The following PCDHGB4 variants were observed in gnomAD, a reference collection of about 807,000 sequenced individuals.
PCDHGB4 encodes protocadherin gamma-B4.
A neutral mutation model predicts 60.5 loss-of-function variants in PCDHGB4; 38 were observed. The ratio of observed to expected loss-of-function variants is 0.63; its 90% confidence interval spans 0.48 to 0.82. PCDHGB4 has a LOEUF of 0.82. Ranked by LOEUF, PCDHGB4 falls within the 40% of genes least tolerant of loss-of-function variation. The pLI is 0.00. For missense variants in PCDHGB4, 1,109 were observed against 1,209.6 expected (o/e 0.92, Z 1.23); for synonymous variants, 456 against 509.7 (o/e 0.89, Z 1.42).
At chr5:141,466,036 G>A (rs981390655) in intron 1 of PCDHGB4, among the ~76,000 whole-genome samples, 17 of 152,064 alleles carry the variant, frequency 1.1e-4, no homozygotes, top group Non-Finnish European at 2.5e-4. Flanking sequence ...GCAGGAGAAC[G>A]GCATGAACCC....
In PCDHGB4 at chr5:141,409,805, C is replaced by G. The variant is rs751397816; in HGVS notation, c.2397+19524C>G. ...CGCCTTCGCGCTCACGCTGCAGGCC[C>G]GCGACCACGGCTCGCCCACGCTCAG... On this transcript the variant is annotated intron_variant, in intron 1 of 3. Coordinates refer to ENST00000519479, the MANE Select transcript of PCDHGB4 (RefSeq NM_003736.4). 8 of 1,611,512 alleles carry G rather than the reference C, an allele frequency of 5.0e-6. No individual in the cohort carries two copies. In the African/African-American group the frequency reaches 5.3e-5, roughly 11 times the overall value.
chr5:141,505,342 T>C (rs2099845433), intron 2 of PCDHGB4, 51 bp from the exon 3 acceptor site: 1 of 1,612,738 alleles, frequency 6.2e-7, no homozygotes, highest in African/African-American at 1.3e-5. Flanking sequence ...AGGAGGGGCA[T>C]GAGCTGTGCC....
At chr5:141,393,527 T>A in intron 1 of PCDHGB4, 10 of 1,613,990 alleles carry the variant, frequency 6.2e-6, no homozygotes, top group Non-Finnish European at 6.8e-6. Context: ...CAAATGACAA[T>A]GCCCCGGTTT....
At chr5:141,502,356 G>C (rs1443285213) in intron 2 of PCDHGB4, among the ~76,000 whole-genome samples, 4 of 151,838 alleles carry the variant, frequency 2.6e-5, no homozygotes. Flanking sequence ...TAATGACATG[G>C]ATATTTTTAA....
intron 1 of PCDHGB4, among the ~76,000 whole-genome samples, chr5:141,438,591 C>CATATATAT (rs946798767): frequency 3.4e-4 from 26 of 75,528 alleles, no homozygotes; most frequent in Non-Finnish European, 5.4e-4. Flanking sequence ...TACATACATA[C>CATATATAT]ATATATATAT....
In PCDHGB4 at chr5:141,432,897, C is replaced by A. The variant is rs780142081; in HGVS notation, c.2397+42616C>A. 1.2e-6 allele frequency: 2 copies of A among 1,614,178 alleles called. No individual in the cohort carries two copies. Among genetic ancestry groups the A allele is most frequent in the Non-Finnish European group, 1.7e-6 (2 of 1,180,010 alleles). On this transcript the variant is annotated intron_variant, in intron 1 of 3. Coordinates refer to ENST00000519479, the MANE Select transcript of PCDHGB4 (RefSeq NM_003736.4). The surrounding 1 kb of genome is among the most constrained non-coding windows in gnomAD (Gnocchi z 6.0). ...CTGGCCTTCGTCATCTTGCTGCTGGCGCTCAGGCTGCGGCGCTGGCACAAG... is the reference window on the plus strand; with the variant it reads ...CTGGCCTTCGTCATCTTGCTGCTGGAGCTCAGGCTGCGGCGCTGGCACAAG...
intron 1 of PCDHGB4, chr5:141,413,448 G>A (rs781717265): frequency 3.1e-6 from 5 of 1,614,122 alleles, no homozygotes; most frequent in Non-Finnish European, 4.2e-6. Context: ...TGATCACCGC[G>A]GGCAGGATAG....
chr5:141,507,609 A>G (rs2099862010), intron 3 of PCDHGB4, among the ~76,000 whole-genome samples: 1 of 152,260 alleles, frequency 6.6e-6, no homozygotes, highest in Non-Finnish European at 1.5e-5. Context: ...ATAAACAGGT[A>G]TATTTAGCTG....
Position 141,393,196 on chromosome 5 carries a change from A to G in PCDHGB4, c.2397+2915A>G, listed in dbSNP as rs369051018. 9.7e-5 allele frequency: 157 copies of G among 1,613,374 alleles called. No individual in the cohort carries two copies. The highest frequency in any genetic ancestry group is 1.3e-4 in the Non-Finnish European group (149 of 1,179,898). On this transcript the variant is annotated intron_variant, in intron 1 of 3. Coordinates refer to ENST00000519479, the MANE Select transcript of PCDHGB4 (RefSeq NM_003736.4). ...GAAATAGAAATAATTGATATTAACG[A>G]TAATAACCCAAAATTCCAGGTCGAA...
At chr5:141,405,217 G>A in intron 1 of PCDHGB4, 9 of 1,614,024 alleles carry the variant, frequency 5.6e-6, no homozygotes, top group Non-Finnish European at 7.6e-6. Context: ...CCTATTCTCA[G>A]GAGTTCTCCC....
intron 1 of PCDHGB4, chr5:141,426,760 C>T (rs935248232): frequency 4.4e-6 from 2 of 456,284 alleles, no homozygotes; most frequent in African/African-American, 4.0e-5. Context: ...GCTATAGATG[C>T]AGATGTAGGG....
At chr5:141,492,506 C>T (rs2154587372) in intron 1 of PCDHGB4, among the ~76,000 whole-genome samples, 2 of 152,318 alleles carry the variant, frequency 1.3e-5, no homozygotes, top group South Asian at 4.1e-4. Context: ...ACTCCGGAGC[C>T]TCCTCTCACC....
At chr5:141,463,738 G>C (rs1002263384) in intron 1 of PCDHGB4, among the ~76,000 whole-genome samples, 1 of 151,978 alleles carries the variant, frequency 6.6e-6, no homozygotes, top group East Asian at 1.9e-4. Flanking sequence ...GAGCCACCGC[G>C]CCCGGCCTGC....
intron 1 of PCDHGB4, chr5:141,422,899 G>A: frequency 2.5e-6 from 4 of 1,614,234 alleles, no homozygotes; most frequent in Non-Finnish European, 3.4e-6. Flanking sequence ...GGACCAGAAC[G>A]ACAATGCGCC....
rs376661062 is a variant in PCDHGB4, at chr5:141,432,185, G to T, written c.2397+41904G>T. 6.2e-6 allele frequency: 10 copies of T among 1,613,956 alleles called. No individual in the cohort carries two copies. The highest frequency in any genetic ancestry group is 8.5e-6 in the Non-Finnish European group (10 of 1,180,030). ...AGGAGTTTCCCTCGTCTCTGTGACC[G>T]CCCACGACCCCGACTGTGAAGAGAA... On this transcript the variant is annotated intron_variant, in intron 1 of 3. Coordinates refer to ENST00000519479, the MANE Select transcript of PCDHGB4 (RefSeq NM_003736.4). The surrounding 1 kb of genome is among the most constrained non-coding windows in gnomAD (Gnocchi z 6.0).
At chr5:141,427,426 C>G (rs569185252) in intron 1 of PCDHGB4, 1 of 469,896 alleles carries the variant, frequency 2.1e-6, no homozygotes, top group Admixed American at 2.3e-5. Flanking sequence ...GGGGAGGTTA[C>G]ATGCCTCATA....
chr5:141,408,131 G>C, intron 1 of PCDHGB4: 1 of 1,482,338 alleles, frequency 6.7e-7, no homozygotes, highest in South Asian at 1.4e-5. Flanking sequence ...TGGGCCGAAT[G>C]CTCTTTTAGC....
intron 1 of PCDHGB4, chr5:141,394,735 G>C: frequency 6.2e-7 from 1 of 1,613,450 alleles, no homozygotes; most frequent in Non-Finnish European, 8.5e-7. Context: ...CTCAAGCAGA[G>C]CCTCGTGGTG....
intron 1 of PCDHGB4, chr5:141,394,707 C>T (rs1325466311): frequency 1.2e-6 from 2 of 1,613,272 alleles, no homozygotes; most frequent in Non-Finnish European, 1.7e-6. Context: ...GGCGCGAGCC[C>T]TGCTGGACAG....
Sources: allele counts gnomAD v4.1 joint callset (sites outside exome capture counted in the v4.1 genomes callset), GRCh38; gene constraint gnomAD v4.1.1; non-coding constraint Gnocchi (gnomAD v3.1); transcripts MANE v1.5; gene names NCBI Gene and HGNC (gene_info 2026-07-23, HGNC 2026-07-21).